Variants in ZSWIM3 observed in about 807,000 individuals in gnomAD.
ZSWIM3 encodes the protein zinc finger SWIM domain-containing protein 3.
In ZSWIM3, 27 loss-of-function variants were observed where a neutral mutation model predicts 47.5. The ratio of observed to expected loss-of-function variants is 0.57; its 90% CI spans 0.42 to 0.78. ZSWIM3 has a LOEUF of 0.78. Ranked by LOEUF, ZSWIM3 falls within the 30% of genes least tolerant of loss-of-function variation. ZSWIM3 has a pLI of 0.00. For synonymous variants in ZSWIM3, 333 were observed against 333.9 expected (o/e 1.00, Z 0.03); for missense variants, 689 against 861.3 (o/e 0.80, Z 2.50).
intron 1 of ZSWIM3, among the ~76,000 whole-genome samples, chr20:45,864,304 G>T (rs574810834): frequency 2.0e-5 from 3 of 152,276 alleles, no homozygotes; most frequent in South Asian, 4.1e-4. Flanking sequence ...TGCTGGTTGT[G>T]ATGTTATAAA....
At position 45,878,508 on chromosome 20, in the gene ZSWIM3, T is replaced by A. The variant is rs961557879; in HGVS notation, c.1950T>A (p.Asp650Glu). The A allele has an allele frequency of 6.2e-7, 1 of 1,614,202 alleles. No individual in the cohort carries two copies. The highest frequency in any genetic ancestry group is 8.5e-7 in the Non-Finnish European group (1 of 1,180,034). The change falls in exon 2 of 2, where the codon GAT becomes GAA. Residue 650 changes from aspartate (D) to glutamate (E), a missense_variant. Asp to Glu is a conservative substitution (Grantham distance 45, BLOSUM62 2). Coordinates refer to ENST00000255152, the MANE Select transcript of ZSWIM3 (RefSeq NM_080752.4). The part of the protein sequence containing the change: ...ERYSTLRKIV[D>E]IWAGPSQPSE... ...ACTCCACCCTGCGCAAGATTGTGGATATCTGGGCTGGCCCCTCCCAGCCAT... is the reference window on the plus strand; with the variant it reads ...ACTCCACCCTGCGCAAGATTGTGGAAATCTGGGCTGGCCCCTCCCAGCCAT...
chr20:45,861,124 A>G (rs1480393815), intron 1 of ZSWIM3, among the ~76,000 whole-genome samples: 1 of 152,176 alleles, frequency 6.6e-6, no homozygotes, highest in African/African-American at 2.4e-5. Context: ...AACAAAATTT[A>G]AAATTAGGGG....
rs193043446 is a variant in ZSWIM3, at chr20:45,875,198, A to G, written c.156-1516A>G. Among the ~76,000 whole-genome samples, 77 of 151,590 alleles carry G rather than the reference A, an allele frequency of 5.1e-4. 1 individual carries two copies. In the East Asian group the frequency reaches 0.012, roughly 24 times the overall value. ...GCTGGGACTACAGGCGCCTGCCACCACACCCAGCTAATTTTTTGTATTTTT... is the reference window on the plus strand; with the variant it reads ...GCTGGGACTACAGGCGCCTGCCACCGCACCCAGCTAATTTTTTGTATTTTT... On this transcript the variant is annotated intron_variant, in intron 1 of 1. Coordinates refer to ENST00000255152, the MANE Select transcript of ZSWIM3 (RefSeq NM_080752.4).
intron 1 of ZSWIM3, among the ~76,000 whole-genome samples, chr20:45,861,941 A>G (rs1327594540): frequency 2.0e-5 from 3 of 151,860 alleles, no homozygotes; most frequent in Non-Finnish European, 2.9e-5. Context: ...GCACAATTCA[A>G]TCACTTGAAC....
intron 1 of ZSWIM3, among the ~76,000 whole-genome samples, chr20:45,865,361 G>A (rs1270145678): frequency 2.6e-5 from 4 of 151,306 alleles, no homozygotes; most frequent in African/African-American, 9.7e-5. Flanking sequence ...GGTGGCGGGC[G>A]CCTGTAGTCC....
rs1986172800 is a variant in ZSWIM3 at position 45,878,717 on chromosome 20, G to A, written c.*68G>A. The stretch of plus-strand genomic sequence containing the variant: ...GAAGTGTGAGAGTTTAAAGTGGGCA[G>A]GACATACTAGGGTTTAGCATTTTAG... On this transcript the variant is annotated 3_prime_UTR_variant, in exon 2 of 2. Transcript: ENST00000255152. 1 of 1,529,456 alleles carries A rather than the reference G, an allele frequency of 6.5e-7. No homozygotes were observed. The allele number at this position is 1,529,456 out of a possible 1,614,324, so 94.7% of individuals were successfully genotyped here.
intron 1 of ZSWIM3, among the ~76,000 whole-genome samples, chr20:45,874,155 G>A (rs956191569): frequency 1.3e-5 from 2 of 152,212 alleles, no homozygotes; most frequent in Non-Finnish European, 2.9e-5. Context: ...GCTAAGGTGA[G>A]AGGATTGCTC....
intron 1 of ZSWIM3, among the ~76,000 whole-genome samples, chr20:45,875,035 C>CTTTTTTTTTT (rs35356697): frequency 2.2e-5 from 2 of 90,542 alleles, no homozygotes; most frequent in African/African-American, 4.1e-5. Context: ...TTAATTTTAA[C>CTTTTTTTTTT]TTTTTTTTTT....
At chr20:45,870,983 C>T (rs1210959919) in intron 1 of ZSWIM3, among the ~76,000 whole-genome samples, 3 of 152,172 alleles carry the variant, frequency 2.0e-5, no homozygotes, top group Admixed American at 1.3e-4. Context: ...GTGTGAGCCA[C>T]GGCGCCCAGC....
rs201321759 is a variant in ZSWIM3 at position 45,878,576 on chromosome 20, G to A, written c.2018G>A (p.Arg673His). The A allele has an allele frequency of 1.6e-5, 26 of 1,613,990 alleles. No homozygotes were observed. The East Asian group carries it at 2.9e-4, about 18-fold the overall frequency. ...CCAGGAGACTTTAAGGACGTGGGCC[G>A]CCTCCCTTTCCTCTGGGGAAAGCAA... ...QQPGDFKDVG[R>H]LPFLWGKQEE... is the part of the protein sequence containing the mutation. The change falls in exon 2 of 2, where the codon CGC (arginine) becomes CAC (histidine). Residue 673 changes from arginine (R) to histidine (H), a missense_variant. Arg to His is a conservative substitution (Grantham distance 29). Transcript: ENST00000255152.
At chr20:45,863,183 TTGTTTG>T (rs1985753582) in intron 1 of ZSWIM3, among the ~76,000 whole-genome samples, 1 of 151,260 alleles carries the variant, frequency 6.6e-6, no homozygotes, top group African/African-American at 2.4e-5. Context: ...TTTTTTTTGT[TTGTTTG>T]TTTGTTTTTT....
chr20:45,858,031 C>T lies in ZSWIM3; in HGVS notation c.155+51C>T, dbSNP rs765000353. Reference sequence around the variant, plus strand: ...CCAAGAGGGTGGGGAGGAGGCTGGACCTCCGGAGGGCTGCCTGGAGGAGGA... The same window carrying T: ...CCAAGAGGGTGGGGAGGAGGCTGGATCTCCGGAGGGCTGCCTGGAGGAGGA... On this transcript the variant is annotated intron_variant, in intron 1 of 1. Coordinates refer to ENST00000255152, the MANE Select transcript of ZSWIM3 (RefSeq NM_080752.4). The T allele has an allele frequency of 4.4e-6, 7 of 1,574,504 alleles. No individual in the cohort carries two copies. The South Asian group carries it at 8.1e-5, about 18-fold the overall frequency.
In ZSWIM3 at chr20:45,857,735, C is replaced by T; in HGVS notation, c.-91C>T. On this transcript the variant is annotated 5_prime_UTR_variant, in exon 1 of 2. Transcript: ENST00000255152. ...TTAAGGCATTCTGGGCCCACGCCTGCCTATAAACCCTCATAGTGTGACCTT... is the reference window on the plus strand; with the variant it reads ...TTAAGGCATTCTGGGCCCACGCCTGTCTATAAACCCTCATAGTGTGACCTT... The T allele has an allele frequency of 6.7e-7, 1 of 1,482,204 alleles. No individual in the cohort carries two copies. The highest frequency in any genetic ancestry group is 9.1e-7 in the Non-Finnish European group (1 of 1,095,214). 91.8% of individuals were successfully genotyped at this position (1,482,204 alleles called of 1,614,324 possible). A position where few individuals can be genotyped will look rare whatever the true frequency, so the allele number is the denominator to read the frequency against.
chr20:45,877,759 A>G lies in ZSWIM3; in HGVS notation c.1201A>G (p.Lys401Glu), dbSNP rs1986139159. 2 of 1,613,972 alleles carry G rather than the reference A, an allele frequency of 1.2e-6. No individual in the cohort carries two copies. The highest frequency in any genetic ancestry group is 2.7e-5 in the African/African-American group (2 of 74,914). The change falls in exon 2 of 2, where the codon AAG becomes GAG. Residue 401 changes from lysine to glutamate, a missense_variant. Physicochemically the swap from Lys to Glu is moderately conservative, Grantham distance 56 (BLOSUM62 1). Coordinates refer to ENST00000255152, the MANE Select transcript of ZSWIM3 (RefSeq NM_080752.4). ...GGACAGCCTAGACATTGTCACCAGC[A>G]AGGTGTCAAGCCTCTTTCGGGAACA... is the stretch of plus-strand genomic sequence containing the variant. ...YMDSLDIVTS[K>E]VSSLFREQQS...
intron 1 of ZSWIM3, among the ~76,000 whole-genome samples, chr20:45,865,780 G>A (rs913370592): frequency 2.0e-5 from 3 of 151,522 alleles, no homozygotes; most frequent in South Asian, 2.1e-4. Flanking sequence ...GGCAGATCAC[G>A]AGGTCAGGAG....
chr20:45,872,178 C>T (rs907242601), intron 1 of ZSWIM3, among the ~76,000 whole-genome samples: 5 of 152,152 alleles, frequency 3.3e-5, no homozygotes, highest in Non-Finnish European at 5.9e-5. Context: ...AAATGATGCA[C>T]ATTGGGGGCT....
At chr20:45,874,405 G>T (rs376694374) in intron 1 of ZSWIM3, among the ~76,000 whole-genome samples, 2 of 152,132 alleles carry the variant, frequency 1.3e-5, no homozygotes, top group Non-Finnish European at 2.9e-5. Flanking sequence ...CCAGCTACTC[G>T]AGAGGCTGAG....
chr20:45,867,417 T>C (rs114060102), intron 1 of ZSWIM3, among the ~76,000 whole-genome samples: 1,734 of 152,308 alleles, frequency 0.011, 43 homozygotes, highest in African/African-American at 0.04. Context: ...TTGACCTTTT[T>C]TGTGATTGGC....
intron 1 of ZSWIM3, among the ~76,000 whole-genome samples, chr20:45,860,839 TCA>T (rs765864368): frequency 2.6e-5 from 4 of 152,226 alleles, no homozygotes; most frequent in South Asian, 2.1e-4. Flanking sequence ...CCTAACGTAT[TCA>T]CAGAGTCTAG....
Sources: gnomAD v4.1 joint callset for allele counts (sites outside exome capture counted in the v4.1 genomes callset) on GRCh38, gnomAD v4.1.1 for gene constraint, MANE v1.5 for transcripts, NCBI Gene and HGNC (gene_info 2026-07-23, HGNC 2026-07-21) for gene names.